The following PDZRN4 variants were observed in gnomAD, a reference collection of about 807,000 sequenced individuals.
PDZRN4 encodes the protein PDZ domain-containing RING finger protein 4.
PDZRN4 carries 70 observed loss-of-function variants against 99.0 expected under a neutral mutation model. The observed-to-expected ratio is 0.71, with a 90% confidence interval of 0.58 to 0.86. PDZRN4 has a LOEUF of 0.86. Among genes scored for constraint, PDZRN4 ranks in the 40% least tolerant of loss-of-function variants. The pLI is 0.00. For missense variants in PDZRN4, 1,474 were observed against 1,331.2 expected (o/e 1.11, Z -1.67); for synonymous variants, 551 against 501.6 (o/e 1.10, Z -1.32).
chr12:41,333,223 G>A (rs1042028238), intron 3 of PDZRN4, among the ~76,000 whole-genome samples: 1 of 152,136 alleles, frequency 6.6e-6, no homozygotes, highest in African/African-American at 2.4e-5. Flanking sequence ...CTAAGGTTCT[G>A]AGACAGGTCA....
chr12:41,509,382 G>T (rs1396054491), intron 4 of PDZRN4, among the ~76,000 whole-genome samples: 2 of 152,120 alleles, frequency 1.3e-5, no homozygotes, highest in Non-Finnish European at 2.9e-5. Context: ...TCAAAAAATA[G>T]TTTGCAGCTG....
intron 3 of PDZRN4, among the ~76,000 whole-genome samples, chr12:41,351,980 A>AAAAT (rs138301663): frequency 0.016 from 2,301 of 143,056 alleles, 56 homozygotes; most frequent in African/African-American, 0.054. Flanking sequence ...CCATTGTCTC[A>AAAAT]AAATAAATAA....
intron 3 of PDZRN4, among the ~76,000 whole-genome samples, chr12:41,243,070 T>G (rs752620051): frequency 5.3e-5 from 8 of 152,198 alleles, no homozygotes; most frequent in Admixed American, 2.0e-4. Context: ...TACTTCTGCC[T>G]CCTGTATTTT....
At chr12:41,565,958 G>C (rs1939363527) in intron 8 of PDZRN4, among the ~76,000 whole-genome samples, 1 of 152,150 alleles carries the variant, frequency 6.6e-6, no homozygotes, top group Non-Finnish European at 1.5e-5. Context: ...GGAGATGTCT[G>C]TCTCTGCCGT....
intron 3 of PDZRN4, among the ~76,000 whole-genome samples, chr12:41,458,911 T>C (rs1026644920): frequency 6.6e-5 from 10 of 152,132 alleles, no homozygotes; most frequent in Non-Finnish European, 1.5e-4. Context: ...AAGTTTCCGA[T>C]GTTTCAGATT....
chr12:41,267,845 GAAAC>G (rs1169248016), intron 3 of PDZRN4, among the ~76,000 whole-genome samples: 7 of 151,804 alleles, frequency 4.6e-5, no homozygotes, highest in African/African-American at 1.7e-4. Context: ...GTCTCAAAAT[GAAAC>G]AAACAAACAA....
At chr12:41,247,210 T>C (rs947296314) in intron 3 of PDZRN4, among the ~76,000 whole-genome samples, 1 of 152,188 alleles carries the variant, frequency 6.6e-6, no homozygotes, top group Admixed American at 6.5e-5. Flanking sequence ...AGGAACGATG[T>C]ATCACAGCTG....
intron 3 of PDZRN4, among the ~76,000 whole-genome samples, chr12:41,223,607 A>G (rs1950972935): frequency 6.6e-6 from 1 of 152,204 alleles, no homozygotes; most frequent in Admixed American, 6.5e-5. Context: ...TAAAAATAAG[A>G]TAATAATATT....
chr12:41,412,711 T>C (rs1274284954), intron 3 of PDZRN4, among the ~76,000 whole-genome samples: 1 of 152,180 alleles, frequency 6.6e-6, no homozygotes, highest in African/African-American at 2.4e-5. Flanking sequence ...TAAATATTGA[T>C]TTAAATAAAA....
intron 3 of PDZRN4, among the ~76,000 whole-genome samples, chr12:41,394,995 G>A (rs1952236591): frequency 6.6e-6 from 1 of 152,096 alleles, no homozygotes; most frequent in African/African-American, 2.4e-5. Flanking sequence ...GAAGGAAAAA[G>A]TATGAAATAA....
intron 1 of PDZRN4, among the ~76,000 whole-genome samples, chr12:41,190,044 T>G (rs1340325397): frequency 3.3e-5 from 5 of 152,158 alleles, no homozygotes; most frequent in Admixed American, 3.3e-4. Flanking sequence ...GTGTCTGACA[T>G]TGTTGGTCGC....
intron 3 of PDZRN4, among the ~76,000 whole-genome samples, chr12:41,372,110 G>T (rs1163263034): frequency 6.6e-6 from 1 of 151,570 alleles, no homozygotes; most frequent in African/African-American, 2.4e-5. Flanking sequence ...CTAAAGGAAA[G>T]ATGTAAAGCT....
intron 3 of PDZRN4, among the ~76,000 whole-genome samples, chr12:41,255,281 A>G (rs995302251): frequency 4.6e-5 from 7 of 152,198 alleles, no homozygotes; most frequent in African/African-American, 1.7e-4. Flanking sequence ...TAGGTAAGAC[A>G]GGTATGTTTG....
At chr12:41,531,372 A>G (rs1565607333) in intron 5 of PDZRN4, among the ~76,000 whole-genome samples, 1 of 152,112 alleles carries the variant, frequency 6.6e-6, no homozygotes, top group Non-Finnish European at 1.5e-5. Flanking sequence ...GTCGGTGCTT[A>G]CAACGTCCTC....
Position 41,189,103 on chromosome 12 carries a change from G to A in PDZRN4, c.648G>A (p.Arg216=), listed in dbSNP as rs746388064. 6.3e-7 allele frequency: 1 copy of A among 1,579,110 alleles called. No individual in the cohort carries two copies. Among genetic ancestry groups the A allele is most frequent in the East Asian group, 2.3e-5 (1 of 43,926 alleles). Residue 216 remains arginine (R), a splice_region_variant and synonymous_variant, in exon 1 of 10, where the codon AGG becomes AGA. Transcript: ENST00000402685. ...GCGACCTCGGTGGCGGCCACCGCAGGGTAAGCAAAGGGGGGTGGGCACCGC... is the reference window on the plus strand; with the variant it reads ...GCGACCTCGGTGGCGGCCACCGCAGAGTAAGCAAAGGGGGGTGGGCACCGC... ...FVGDLGGGHR[R]DGEHKPFTIV... is the part of the protein sequence containing the mutation.
intron 3 of PDZRN4, among the ~76,000 whole-genome samples, chr12:41,425,999 T>C (rs1429163110): frequency 6.6e-6 from 1 of 152,176 alleles, no homozygotes; most frequent in African/African-American, 2.4e-5. Flanking sequence ...GAGCAGAAAG[T>C]AGTGATGATA....
At chr12:41,448,041 T>C (rs953094098) in intron 3 of PDZRN4, among the ~76,000 whole-genome samples, 1 of 152,136 alleles carries the variant, frequency 6.6e-6, no homozygotes, top group African/African-American at 2.4e-5. Context: ...AACTACTTCT[T>C]TCCCCATCAT....
intron 3 of PDZRN4, among the ~76,000 whole-genome samples, chr12:41,444,549 G>T (rs1222714953): frequency 5.9e-5 from 9 of 152,094 alleles, no homozygotes; most frequent in Admixed American, 5.9e-4. Flanking sequence ...ACCTGGTGAT[G>T]ATCACAGAGC....
intron 5 of PDZRN4, among the ~76,000 whole-genome samples, chr12:41,537,737 AT>A (rs1462530652): frequency 7.2e-5 from 11 of 152,174 alleles, no homozygotes; most frequent in African/African-American, 2.7e-4. Flanking sequence ...AGATTACATC[AT>A]CCTGAACTGT....
Sources: gnomAD v4.1 joint callset for allele counts (sites outside exome capture counted in the v4.1 genomes callset) on GRCh38, gnomAD v4.1.1 for gene constraint, MANE v1.5 for transcripts, NCBI Gene and HGNC (gene_info 2026-07-23, HGNC 2026-07-21) for gene names.